The following DCC variants were observed in gnomAD, a reference collection of about 807,000 sequenced individuals.
The protein encoded by DCC is DCC netrin 1 receptor.
In DCC, 58 loss-of-function variants were observed where a neutral mutation model predicts 172.5. The ratio of observed to expected loss-of-function variants is 0.34; its 90% CI spans 0.27 to 0.42. The LOEUF (loss-of-function observed/expected upper bound fraction) is 0.42, where lower values mean the gene tolerates loss of function less well. Ranked by LOEUF, DCC falls within the 10% of genes least tolerant of loss-of-function variation. The probability of loss-of-function intolerance (pLI) is 1.00; values close to 1 mark genes in which losing one functional copy is unlikely to be tolerated. For synonymous variants in DCC, 709 were observed against 644.5 expected (o/e 1.10, Z -1.52); for missense variants, 1,740 against 1,791.0 (o/e 0.97, Z 0.51).
chr18:52,821,636 G>C lies in DCC; in HGVS notation c.412+69262G>C, dbSNP rs148963403. On this transcript the variant is annotated intron_variant, in intron 2 of 28. Coordinates refer to ENST00000442544, the MANE Select transcript of DCC (RefSeq NM_005215.4). ...TGACCTGCATCTTGGGAAATCCAAT[G>C]GTCTGCCTCAGTTCTTAATTAAACT... is the stretch of plus-strand genomic sequence containing the variant. Among the ~76,000 whole-genome samples, 31 of 152,248 alleles carry C rather than the reference G, an allele frequency of 2.0e-4. No individual in the cohort carries two copies. In the East Asian group the frequency reaches 5.6e-3, roughly 28 times the overall value.
At chr18:53,108,819 T>G (rs1056566302) in intron 7 of DCC, among the ~76,000 whole-genome samples, 1 of 151,620 alleles carries the variant, frequency 6.6e-6, no homozygotes, top group African/African-American at 2.4e-5. Context: ...AATTTACTTA[T>G]GCGTTCTACC....
chr18:52,609,454 T>C (rs2034204321), intron 1 of DCC, among the ~76,000 whole-genome samples: 1 of 152,046 alleles, frequency 6.6e-6, no homozygotes. Flanking sequence ...TAACATGTAT[T>C]AAGCATCCTA....
At chr18:53,090,025 C>T (rs1239261787) in intron 7 of DCC, among the ~76,000 whole-genome samples, 1 of 152,190 alleles carries the variant, frequency 6.6e-6, no homozygotes, top group African/African-American at 2.4e-5. Flanking sequence ...CCCCACTCCC[C>T]TCGCTATTTG....
chr18:52,927,097 GTGTATA>G lies in DCC; in HGVS notation c.985+1729_985+1734del, dbSNP rs2040222296. Among the ~76,000 whole-genome samples, 2 of 101,896 alleles carry G rather than the reference GTGTATA, an allele frequency of 2.0e-5. 1 individual carries two copies. The highest frequency in any genetic ancestry group is 7.6e-5 in the African/African-American group (2 of 26,188). 66.8% of individuals were successfully genotyped at this position (101,896 alleles called of 152,430 possible). On this transcript the variant is annotated intron_variant, in intron 5 of 28. Coordinates refer to ENST00000442544, the MANE Select transcript of DCC (RefSeq NM_005215.4). ...TATATGTGTATATACACGTATATAC[GTGTATA>G]TACACGTATATACGTGTATATACAC... is the stretch of plus-strand genomic sequence containing the variant.
chr18:53,455,549 T>C (rs1456068111), intron 23 of DCC, among the ~76,000 whole-genome samples: 1 of 152,236 alleles, frequency 6.6e-6, no homozygotes, highest in Non-Finnish European at 1.5e-5. Flanking sequence ...AGCTTTCAGA[T>C]AAATACTTGC....
intron 9 of DCC, among the ~76,000 whole-genome samples, chr18:53,187,114 C>T (rs894305918): frequency 4.9e-5 from 7 of 144,232 alleles, no homozygotes; most frequent in African/African-American, 1.6e-4. Flanking sequence ...AATTTACTTT[C>T]TCTCTTTTTT....
intron 5 of DCC, among the ~76,000 whole-genome samples, chr18:52,981,245 G>T (rs2041203952): frequency 6.6e-6 from 1 of 152,034 alleles, no homozygotes; most frequent in Non-Finnish European, 1.5e-5. Context: ...AGAACTTGTG[G>T]ACCTATGAGT....
chr18:52,661,030 C>G (rs1281880625), intron 1 of DCC, among the ~76,000 whole-genome samples: 2 of 152,134 alleles, frequency 1.3e-5, no homozygotes, highest in African/African-American at 2.4e-5. Context: ...GGTTAACCCC[C>G]AAGGACAGCA....
intron 1 of DCC, among the ~76,000 whole-genome samples, chr18:52,556,181 T>A (rs1204801243): frequency 6.6e-6 from 1 of 152,198 alleles, no homozygotes; most frequent in Admixed American, 6.6e-5. Context: ...CTACCTTGGC[T>A]AGAATATTCA....
intron 23 of DCC, among the ~76,000 whole-genome samples, chr18:53,454,754 TAAATGA>T (rs2045463199): frequency 6.6e-6 from 1 of 152,230 alleles, no homozygotes; most frequent in Admixed American, 6.5e-5. Context: ...TCTAGGCTCT[TAAATGA>T]AATCTACAGT....
intron 7 of DCC, among the ~76,000 whole-genome samples, chr18:53,098,912 G>A (rs550907897): frequency 3.9e-5 from 6 of 152,214 alleles, no homozygotes; most frequent in African/African-American, 1.4e-4. Flanking sequence ...TCTGGAGGCT[G>A]AGACAGAGAG....
intron 15 of DCC, among the ~76,000 whole-genome samples, chr18:53,343,769 G>T (rs2057688876): frequency 1.3e-5 from 2 of 152,038 alleles, no homozygotes; most frequent in African/African-American, 2.4e-5. Flanking sequence ...TTTCACTAAT[G>T]AAATCATCTG....
At position 52,732,041 on chromosome 18, in the gene DCC, A is replaced by G. The variant is rs371185483; in HGVS notation, c.92-20013A>G. Among the ~76,000 whole-genome samples, 6 of 152,106 alleles carry G rather than the reference A, an allele frequency of 3.9e-5. No individual in the cohort carries two copies. The East Asian group carries it at 1.2e-3, about 29-fold the overall frequency. On this transcript the variant is annotated intron_variant, in intron 1 of 28. Transcript: ENST00000442544. ...CCCACTCCCAATATCTAGCATAGAA[A>G]CTCAATAAATGGGTGCTGAATTTAA...
chr18:52,640,071 C>T (rs866749886), intron 1 of DCC, among the ~76,000 whole-genome samples: 1 of 151,066 alleles, frequency 6.6e-6, no homozygotes, highest in East Asian at 1.9e-4. Context: ...TACACAAGTC[C>T]ATGTGATACA....
intron 3 of DCC, among the ~76,000 whole-genome samples, chr18:52,921,958 C>A (rs2040133345): frequency 6.6e-6 from 1 of 151,776 alleles, no homozygotes; most frequent in Non-Finnish European, 1.5e-5. Flanking sequence ...AATATCAAGG[C>A]AACTATTTGT....
At chr18:52,935,470 A>G (rs966452969) in intron 5 of DCC, among the ~76,000 whole-genome samples, 2 of 152,142 alleles carry the variant, frequency 1.3e-5, no homozygotes, top group African/African-American at 4.8e-5. Context: ...ACAAACAAGC[A>G]TGTATATCTT....
At position 52,467,052 on chromosome 18, in the gene DCC, AAAT is replaced by A. The variant is rs1487193938; in HGVS notation, c.91+126176_91+126178del. ...TGTAAAAGTGGTTTTTTTAAAAAAAAAATATATATATATATTTTAAGTTCTGGG... is the reference window on the plus strand; with the variant it reads ...TGTAAAAGTGGTTTTTTTAAAAAAAAATATATATATATTTTAAGTTCTGGG... On this transcript the variant is annotated intron_variant, in intron 1 of 28. Transcript: ENST00000442544. Among the ~76,000 whole-genome samples the A allele has an allele frequency of 8.2e-4, 119 of 145,146 alleles. 1 individual carries two copies. Among genetic ancestry groups the A allele is most frequent in the African/African-American group, 2.4e-3 (91 of 38,072 alleles).
At chr18:52,750,534 C>T (rs555057415) in intron 1 of DCC, among the ~76,000 whole-genome samples, 80 of 152,052 alleles carry the variant, frequency 5.3e-4, no homozygotes, top group African/African-American at 1.9e-3. Context: ...GAGTGAGTGG[C>T]CAAGGTGAAA....
intron 15 of DCC, among the ~76,000 whole-genome samples, chr18:53,347,393 T>C (rs1445551104): frequency 1.3e-5 from 2 of 152,176 alleles, no homozygotes; most frequent in Non-Finnish European, 2.9e-5. Context: ...CAGTGGCTGT[T>C]ATCAGTGAGA....
Sources: allele counts gnomAD v4.1 joint callset (sites outside exome capture counted in the v4.1 genomes callset), GRCh38; gene constraint gnomAD v4.1.1; transcripts MANE v1.5; gene names NCBI Gene and HGNC (gene_info 2026-07-23, HGNC 2026-07-21).